Variants in RPSA2 observed in about 807,000 individuals in gnomAD.
RPSA2 encodes small ribosomal subunit protein uS2B.
the RPSA2 span, among the ~76,000 whole-genome samples, chr19:23,761,926 T>TCCTTCCTTCC: frequency 3.3e-4 from 41 of 124,828 alleles, 3 homozygotes; most frequent in Admixed American, 5.5e-4. Context: ...CTTTCTTTTT[T>TCCTTCCTTCC]TTTTTTTTTG....
At chr19:23,827,339 C>T in the RPSA2 span, 13 of 1,587,292 alleles carry the variant, frequency 8.2e-6, no homozygotes, top group Non-Finnish European at 1.1e-5. Flanking sequence ...GAAGCTTCTG[C>T]TGGCAGCTCG....
the RPSA2 span, among the ~76,000 whole-genome samples, chr19:23,801,155 G>A: frequency 2.0e-5 from 3 of 151,946 alleles, no homozygotes; most frequent in Non-Finnish European, 2.9e-5. Flanking sequence ...ACCTAAATCT[G>A]CAGCTCCAAA....
At chr19:23,806,009 ATCTATCTATCT>A in the RPSA2 span, among the ~76,000 whole-genome samples, 30 of 142,024 alleles carry the variant, frequency 2.1e-4, no homozygotes, top group East Asian at 4.7e-3. Flanking sequence ...CTGTCTATCT[ATCTATCTATCT>A]ATCTATCTAT....
At chr19:23,781,577 G>T in the RPSA2 span, among the ~76,000 whole-genome samples, 6 of 151,998 alleles carry the variant, frequency 3.9e-5, no homozygotes, top group South Asian at 2.1e-4. Context: ...GACCTCAAGT[G>T]ATCTGCCCAC....
the RPSA2 span, chr19:23,758,858 G>A: frequency 4.0e-6 from 6 of 1,490,344 alleles, no homozygotes; most frequent in East Asian, 2.3e-5. Context: ...GAGCAGTGAA[G>A]ACGAGACCCG....
At chr19:23,810,444 A>C in the RPSA2 span, among the ~76,000 whole-genome samples, 1 of 5,930 alleles carries the variant, frequency 1.7e-4, no homozygotes. Flanking sequence ...GGATAGTTGT[A>C]GTTTTCATTT....
chr19:23,785,985 CCCA>C, the RPSA2 span, among the ~76,000 whole-genome samples: 4 of 152,112 alleles, frequency 2.6e-5, no homozygotes, highest in Admixed American at 6.6e-5. Context: ...ATGTGCACAC[CCCA>C]CCAATTGTTA....
chr19:23,843,968 A>T, the RPSA2 span, among the ~76,000 whole-genome samples: 34 of 152,270 alleles, frequency 2.2e-4, 1 homozygote, highest in South Asian at 6.2e-4. Flanking sequence ...CATGTTGTCC[A>T]GCCTGGTCTC....
At chr19:23,842,614 T>G in the RPSA2 span, 1 of 153,976 alleles carries the variant, frequency 6.5e-6, no homozygotes, top group Admixed American at 6.5e-5. Flanking sequence ...GTCTGAATCC[T>G]GCTCAGTGAA....
chr19:23,769,841 TG>T, the RPSA2 span, among the ~76,000 whole-genome samples: 1 of 152,190 alleles, frequency 6.6e-6, no homozygotes, highest in East Asian at 1.9e-4. Flanking sequence ...GACATATCAC[TG>T]GGTCTAACAC....
chr19:23,789,099 C>T, the RPSA2 span, among the ~76,000 whole-genome samples: 1 of 144,368 alleles, frequency 6.9e-6, no homozygotes, highest in East Asian at 2.1e-4. Context: ...CTCTTGGGTT[C>T]TAGTGGTTCT....
chr19:23,854,009 A>G, the RPSA2 span, among the ~76,000 whole-genome samples: 6 of 152,216 alleles, frequency 3.9e-5, no homozygotes, highest in African/African-American at 1.4e-4. Flanking sequence ...TTTAGAAATT[A>G]CATTAATCCA....
the RPSA2 span, among the ~76,000 whole-genome samples, chr19:23,862,388 G>T: frequency 6.6e-5 from 10 of 151,148 alleles, no homozygotes; most frequent in Non-Finnish European, 2.9e-5. Flanking sequence ...TTGCCTAATT[G>T]CCCTGGCCAG....
the RPSA2 span, chr19:23,819,175 T>C: frequency 1.3e-5 from 2 of 152,206 alleles, no homozygotes; most frequent in African/African-American, 4.8e-5. Flanking sequence ...CCACTTTTAC[T>C]TTCCTGATGA....
the RPSA2 span, among the ~76,000 whole-genome samples, chr19:23,826,031 C>CCAAAA: frequency 4.2e-5 from 6 of 143,430 alleles, no homozygotes; most frequent in Admixed American, 1.4e-4. Context: ...TATTTCTTGT[C>CCAAAA]AAAAAAAAAC....
the RPSA2 span, among the ~76,000 whole-genome samples, chr19:23,790,966 G>A: frequency 8.8e-4 from 134 of 152,142 alleles, no homozygotes; most frequent in Non-Finnish European, 5.7e-4. Context: ...GCCCCCGGGC[G>A]TCCTGTCTTC....
At chr19:23,771,304 T>G in the RPSA2 span, among the ~76,000 whole-genome samples, 2 of 152,214 alleles carry the variant, frequency 1.3e-5, no homozygotes, top group Non-Finnish European at 2.9e-5. Context: ...TCAGTGTCTC[T>G]GAGACCAAGA....
chr19:23,799,712 C>T, the RPSA2 span, among the ~76,000 whole-genome samples: 2 of 147,034 alleles, frequency 1.4e-5, 1 homozygote, highest in Admixed American at 1.4e-4. Context: ...AAAGATAGCA[C>T]CCTATTCAAC....
At chr19:23,772,647 T>A in the RPSA2 span, among the ~76,000 whole-genome samples, 2 of 152,112 alleles carry the variant, frequency 1.3e-5, no homozygotes, top group Non-Finnish European at 2.9e-5. Flanking sequence ...AGCACAAAAG[T>A]GAGCTTGTTT....
Sources: gnomAD v4.1 joint callset for allele counts (sites outside exome capture counted in the v4.1 genomes callset) on GRCh38, gnomAD v4.1.1 for gene constraint, MANE v1.5 for transcripts, NCBI Gene and HGNC (gene_info 2026-07-23, HGNC 2026-07-21) for gene names.